Variants in UBE2K observed in about 807,000 individuals in gnomAD.
UBE2K encodes ubiquitin conjugating enzyme E2 K.
In UBE2K, 6 loss-of-function variants were observed where a neutral mutation model predicts 30.0. That is an observed-to-expected ratio of 0.20 (90% confidence interval 0.11 to 0.39). UBE2K has a LOEUF of 0.39. Among genes scored for constraint, UBE2K ranks in the 10% least tolerant of loss-of-function variants. The pLI is 1.00. For missense variants in UBE2K, 61 were observed against 241.6 expected, an observed-to-expected ratio of 0.25 and a Z score of 4.96; for synonymous variants, 86 against 83.7, an observed-to-expected ratio of 1.03 and a Z score of -0.15.
intron 1 of UBE2K, among the ~76,000 whole-genome samples, chr4:39,700,586 C>G (rs746361258): frequency 4.6e-5 from 7 of 152,132 alleles, no homozygotes; most frequent in Non-Finnish European, 7.4e-5. Flanking sequence ...TTATTTTCAA[C>G]TCATTGAAGA....
intron 1 of UBE2K, among the ~76,000 whole-genome samples, chr4:39,701,133 A>G (rs1717986370): frequency 6.6e-6 from 1 of 151,178 alleles, no homozygotes; most frequent in Admixed American, 6.6e-5. Flanking sequence ...AATTTGTCAG[A>G]TGTTTCTTTT....
At chr4:39,734,209 G>A (rs1040992622) in intron 1 of UBE2K, among the ~76,000 whole-genome samples, 2 of 148,738 alleles carry the variant, frequency 1.3e-5, no homozygotes, top group South Asian at 2.1e-4. Flanking sequence ...GGATTCAAAC[G>A]ATTCTCGTGC....
intron 4 of UBE2K, among the ~76,000 whole-genome samples, chr4:39,769,859 C>T (rs1243660947): frequency 6.6e-6 from 1 of 152,136 alleles, no homozygotes; most frequent in Non-Finnish European, 1.5e-5. Flanking sequence ...CTGGCCTACT[C>T]CAAGAACCCT....
At chr4:39,747,948 C>T (rs1004080516) in intron 3 of UBE2K, among the ~76,000 whole-genome samples, 1 of 151,898 alleles carries the variant, frequency 6.6e-6, no homozygotes, top group African/African-American at 2.4e-5. Context: ...ATTACAGGCA[C>T]CCGCCACCAA....
intron 4 of UBE2K, among the ~76,000 whole-genome samples, chr4:39,771,905 A>G (rs1712901693): frequency 6.6e-6 from 1 of 152,142 alleles, no homozygotes; most frequent in Admixed American, 6.5e-5. Flanking sequence ...CGGTGGCGCC[A>G]TCTGGACTCA....
At position 39,748,176 on chromosome 4, in the gene UBE2K, A is replaced by T. The variant is rs182521673; in HGVS notation, c.216+2366A>T. On this transcript the variant is annotated intron_variant, in intron 3 of 6. Coordinates refer to ENST00000261427, the MANE Select transcript of UBE2K (RefSeq NM_005339.5). ...CTCTGTTTTAGGCAGTTCAACCTGT[A>T]ACTTCATTTAATTTTTGAAATAAAT... is the stretch of plus-strand genomic sequence containing the variant. Among the ~76,000 whole-genome samples, 6 of 152,278 alleles carry T rather than the reference A, an allele frequency of 3.9e-5. No individual in the cohort carries two copies. The East Asian group carries it at 1.2e-3, about 29-fold the overall frequency.
intron 1 of UBE2K, among the ~76,000 whole-genome samples, chr4:39,712,710 G>A (rs1040182423): frequency 2.0e-5 from 3 of 147,056 alleles, no homozygotes; most frequent in Non-Finnish European, 3.0e-5. Flanking sequence ...GTGAGCCACC[G>A]CACTCGGCCT....
intron 1 of UBE2K, among the ~76,000 whole-genome samples, chr4:39,727,959 G>A (rs1199589430): frequency 1.3e-5 from 2 of 151,918 alleles, no homozygotes; most frequent in African/African-American, 2.4e-5. Flanking sequence ...GTGAAACCCT[G>A]TGTCTACTAA....
intron 4 of UBE2K, 94 bp downstream of exon 4, chr4:39,755,833 ACTTTAT>A: frequency 1.1e-6 from 1 of 902,322 alleles, no homozygotes; most frequent in East Asian, 2.8e-5. Context: ...CATATATTAT[ACTTTAT>A]CTTGTTTGGG....
chr4:39,740,899 G>A (rs941280595), intron 2 of UBE2K, among the ~76,000 whole-genome samples: 1 of 150,932 alleles, frequency 6.6e-6, no homozygotes, highest in Non-Finnish European at 1.5e-5. Flanking sequence ...TTCTTTATTG[G>A]TTAGAAACAA....
At chr4:39,766,493 T>C (rs943866435) in intron 4 of UBE2K, among the ~76,000 whole-genome samples, 1 of 151,998 alleles carries the variant, frequency 6.6e-6, no homozygotes, top group East Asian at 1.9e-4. Flanking sequence ...TTTTTTGTTA[T>C]TGAGTTGTAG....
At chr4:39,711,550 T>C (rs771300799) in intron 1 of UBE2K, among the ~76,000 whole-genome samples, 6 of 152,028 alleles carry the variant, frequency 3.9e-5, no homozygotes, top group Non-Finnish European at 8.8e-5. Context: ...TTTTAAAGTT[T>C]ATTTCCCTAT....
intron 4 of UBE2K, among the ~76,000 whole-genome samples, chr4:39,763,661 C>CCAAA (rs1712122231): frequency 6.6e-6 from 1 of 152,220 alleles, no homozygotes; most frequent in African/African-American, 2.4e-5. Flanking sequence ...TCCCCAGGCT[C>CCAAA]CACCGCCAAC....
intron 4 of UBE2K, among the ~76,000 whole-genome samples, chr4:39,759,326 G>A (rs1170598145): frequency 6.6e-6 from 1 of 152,012 alleles, no homozygotes; most frequent in Non-Finnish European, 1.5e-5. Context: ...ACCCAGGCTG[G>A]AGTGCAATGG....
At chr4:39,738,643 A>G (rs529286938) in intron 2 of UBE2K, among the ~76,000 whole-genome samples, 68 of 152,108 alleles carry the variant, frequency 4.5e-4, no homozygotes, top group Non-Finnish European at 8.5e-4. Context: ...CACCATATCC[A>G]GTTAAATACT....
chr4:39,702,044 AGC>A (rs1718042836), intron 1 of UBE2K, among the ~76,000 whole-genome samples: 2 of 151,956 alleles, frequency 1.3e-5, no homozygotes, highest in African/African-American at 4.8e-5. Context: ...TACAGGCATG[AGC>A]CACCACACCC....
At chr4:39,770,376 G>A in intron 4 of UBE2K, 4 of 1,613,394 alleles carry the variant, frequency 2.5e-6, no homozygotes, top group Non-Finnish European at 3.4e-6. Context: ...GCCACAGCGA[G>A]GGCACATGAA....
chr4:39,770,069 ACG>A, intron 4 of UBE2K: 1 of 1,528,776 alleles, frequency 6.5e-7, no homozygotes, highest in Non-Finnish European at 8.8e-7. Context: ...CCGGGCCTCC[ACG>A]CCTGCGCGGC....
chr4:39,729,917 T>C (rs1013671475), intron 1 of UBE2K, among the ~76,000 whole-genome samples: 1 of 152,234 alleles, frequency 6.6e-6, no homozygotes. Flanking sequence ...GGAAGCTTCC[T>C]CTTACTTTCT....
Sources: allele counts gnomAD v4.1 joint callset (sites outside exome capture counted in the v4.1 genomes callset), GRCh38; gene constraint gnomAD v4.1.1; transcripts MANE v1.5; gene names NCBI Gene and HGNC (gene_info 2026-07-23, HGNC 2026-07-21).